Variants in CSMD3 observed in about 807,000 individuals in gnomAD.
The protein encoded by CSMD3 is CUB and sushi domain-containing protein 3.
CSMD3 carries 177 observed loss-of-function variants against 435.2 expected under a neutral mutation model. The ratio of observed to expected loss-of-function variants is 0.41; its 90% CI spans 0.36 to 0.46. The LOEUF (loss-of-function observed/expected upper bound fraction) is 0.46. Ranked by LOEUF, CSMD3 falls within the 20% of genes least tolerant of loss-of-function variation. CSMD3 has a pLI of 0.34. For missense variants in CSMD3, 4,265 were observed against 4,504.6 expected, an observed-to-expected ratio of 0.95 and a Z score of 1.52; for synonymous variants, 1,656 against 1,520.5, an observed-to-expected ratio of 1.09 and a Z score of -2.07.
intron 12 of CSMD3, among the ~76,000 whole-genome samples, chr8:112,821,635 C>CAGAA (rs1398564268): frequency 3.3e-5 from 5 of 152,114 alleles, no homozygotes; most frequent in Admixed American, 6.6e-5. Flanking sequence ...CTTTGCTGTG[C>CAGAA]AGAAGCTCTT....
chr8:112,358,933 A>T (rs74872579), intron 38 of CSMD3, among the ~76,000 whole-genome samples: 4,965 of 152,240 alleles, frequency 0.033, 279 homozygotes, highest in African/African-American at 0.11. Flanking sequence ...ATGTTTTTTT[A>T]AAAAAGAGTT....
At chr8:112,425,685 G>T (rs1405539130) in intron 32 of CSMD3, among the ~76,000 whole-genome samples, 1 of 152,072 alleles carries the variant, frequency 6.6e-6, no homozygotes, top group Admixed American at 6.6e-5. Context: ...AGTCAGATTA[G>T]ATAATTTTTT....
intron 47 of CSMD3, among the ~76,000 whole-genome samples, chr8:112,315,643 A>T (rs1171138143): frequency 6.6e-6 from 1 of 151,844 alleles, no homozygotes; most frequent in Non-Finnish European, 1.5e-5. Context: ...AAAATGTCTT[A>T]CGAACATAAT....
chr8:112,475,311 C>T (rs1249680033), intron 31 of CSMD3, among the ~76,000 whole-genome samples: 1 of 152,082 alleles, frequency 6.6e-6, no homozygotes, highest in East Asian at 1.9e-4. Flanking sequence ...ACATTTAGGA[C>T]AGCTTTTATT....
At chr8:112,597,040 G>A (rs1314830723) in intron 22 of CSMD3, among the ~76,000 whole-genome samples, 3 of 152,086 alleles carry the variant, frequency 2.0e-5, no homozygotes, top group African/African-American at 4.8e-5. Flanking sequence ...AGGAAATAGA[G>A]ACACAAAAAA....
intron 30 of CSMD3, among the ~76,000 whole-genome samples, chr8:112,496,817 G>A (rs1821398692): frequency 1.3e-5 from 2 of 151,546 alleles, no homozygotes; most frequent in South Asian, 2.1e-4. Context: ...AGAGGTGTTG[G>A]GGGGAAAGTG....
Position 112,306,181 on chromosome 8 carries a change from C to T in CSMD3, c.7897G>A (p.Gly2633Arg), listed in dbSNP as rs1170564892. 1 of 1,613,106 alleles carries T rather than the reference C, an allele frequency of 6.2e-7. No homozygotes were observed. The change falls in exon 51 of 71, where the codon GGG becomes AGG. Residue 2633 changes from glycine to arginine, a missense_variant. By Grantham distance (125) the Gly-to-Arg change is moderately radical. This residue lies in a region of CSMD3 where 3,255 missense variants were observed against 3,380.2 expected (regional missense o/e 0.96). Transcript: ENST00000297405. ...PVPACQAISC[G>R]IPKAPTNGGI... ...CCATTTGTTGGAGCTTTAGGAATCC[C>T]ACAGGAAATTGCTAGAAAAACATAC...
chr8:112,667,291 T>C (rs1483945703), intron 16 of CSMD3, among the ~76,000 whole-genome samples: 1 of 152,134 alleles, frequency 6.6e-6, no homozygotes, highest in Admixed American at 6.6e-5. Flanking sequence ...CCTGTATTGG[T>C]AAATGAAACC....
Position 113,055,766 on chromosome 8 carries a change from T to C in CSMD3, c.918-36587A>G, listed in dbSNP as rs190252719. 1.3e-3 allele frequency among the ~76,000 whole-genome samples: 204 copies of C among 152,294 alleles called. 1 individual carries two copies. Among genetic ancestry groups the C allele is most frequent in the African/African-American group, 4.8e-3 (198 of 41,568 alleles). On this transcript the variant is annotated intron_variant, in intron 5 of 70. Transcript: ENST00000297405. ...TTCAGGGATAGCAGAGTTTCTTGAG[T>C]ATATCTCTTCTGAGATCCTTACTTC...
intron 9 of CSMD3, among the ~76,000 whole-genome samples, chr8:112,925,772 C>A (rs541203146): frequency 6.6e-6 from 1 of 152,240 alleles, no homozygotes; most frequent in Admixed American, 6.5e-5. Context: ...TATAAGATGC[C>A]ATCTAAATGC....
intron 2 of CSMD3, among the ~76,000 whole-genome samples, chr8:113,291,350 C>A (rs1252637320): frequency 6.6e-6 from 1 of 151,688 alleles, no homozygotes; most frequent in East Asian, 1.9e-4. Flanking sequence ...ATATTTCAAT[C>A]ATTTAACATT....
intron 32 of CSMD3, among the ~76,000 whole-genome samples, chr8:112,444,962 G>A (rs1410205919): frequency 6.6e-6 from 1 of 152,120 alleles, no homozygotes; most frequent in African/African-American, 2.4e-5. Flanking sequence ...GACATAGCAG[G>A]CCAATTGTGG....
intron 38 of CSMD3, among the ~76,000 whole-genome samples, chr8:112,370,895 C>T (rs1242625749): frequency 6.6e-6 from 1 of 152,084 alleles, no homozygotes; most frequent in African/African-American, 2.4e-5. Context: ...ACACAGAGTT[C>T]AGTAAATATT....
At chr8:112,569,490 C>T (rs922281507) in intron 24 of CSMD3, among the ~76,000 whole-genome samples, 2 of 152,080 alleles carry the variant, frequency 1.3e-5, no homozygotes, top group Non-Finnish European at 2.9e-5. Flanking sequence ...ATAAATGGAC[C>T]AATAAGATAA....
chr8:112,983,939 A>C (rs1428401216), intron 6 of CSMD3, among the ~76,000 whole-genome samples: 1 of 151,962 alleles, frequency 6.6e-6, no homozygotes. Flanking sequence ...CAGGCCAAAA[A>C]CGTCTTACTT....
chr8:113,134,038 TTTATA>T (rs2091352980), intron 4 of CSMD3, among the ~76,000 whole-genome samples: 1 of 152,004 alleles, frequency 6.6e-6, no homozygotes, highest in African/African-American at 2.4e-5. Context: ...GATGGTAAAT[TTTATA>T]TTATATGTTT....
At position 112,466,030 on chromosome 8, in the gene CSMD3, A is replaced by G. The variant is rs1817925187; in HGVS notation, c.5395+6561T>C. Reference sequence around the variant, plus strand: ...TTCGATTGCTCCAAATCTAAAAAGTAATGACAAATAGTAAACGCAAGTTTT... The same window carrying G: ...TTCGATTGCTCCAAATCTAAAAAGTGATGACAAATAGTAAACGCAAGTTTT... On this transcript the variant is annotated intron_variant, in intron 32 of 70. Transcript: ENST00000297405. 2.0e-5 allele frequency among the ~76,000 whole-genome samples: 3 copies of G among 152,092 alleles called. No individual in the cohort carries two copies. The South Asian group carries it at 6.2e-4, about 31-fold the overall frequency.
intron 6 of CSMD3, among the ~76,000 whole-genome samples, chr8:112,996,567 G>T (rs1257265393): frequency 6.6e-6 from 1 of 151,568 alleles, no homozygotes; most frequent in African/African-American, 2.4e-5. Context: ...CACTCACTGA[G>T]AATAGTTAAT....
chr8:112,427,677 T>A (rs1265997769), intron 32 of CSMD3, among the ~76,000 whole-genome samples: 1 of 152,202 alleles, frequency 6.6e-6, no homozygotes, highest in Non-Finnish European at 1.5e-5. Flanking sequence ...CTACTGTGTT[T>A]CTATGCTAGG....
Sources: allele counts gnomAD v4.1 joint callset (sites outside exome capture counted in the v4.1 genomes callset), GRCh38; gene constraint gnomAD v4.1.1; regional missense constraint gnomAD v4.1.1; transcripts MANE v1.5; gene names NCBI Gene and HGNC (gene_info 2026-07-23, HGNC 2026-07-21).